Variants in ULK4 observed in about 807,000 individuals in gnomAD.
ULK4 encodes inactive serine/threonine-protein kinase ULK4.
Under a neutral mutation model 160.6 loss-of-function variants are expected in ULK4, and 133 were observed. The observed-to-expected ratio is 0.83, with a 90% CI of 0.72 to 0.96. ULK4 has a LOEUF of 0.96. ULK4 is among the 40% of genes least tolerant of loss of function. The pLI, the probability that ULK4 is intolerant of heterozygous loss-of-function variation, is 0.00. For missense variants in ULK4, 1,580 were observed against 1,499.5 expected (o/e 1.05, Z -0.89); for synonymous variants, 534 against 539.8 (o/e 0.99, Z 0.15).
intron 5 of ULK4, among the ~76,000 whole-genome samples, chr3:41,924,118 C>A (rs1203061243): frequency 6.6e-6 from 1 of 152,074 alleles, no homozygotes; most frequent in East Asian, 1.9e-4. Flanking sequence ...AAATTTTTGC[C>A]CTAAAATCAG....
intron 30 of ULK4, among the ~76,000 whole-genome samples, chr3:41,632,158 C>T (rs1315417041): frequency 6.6e-6 from 1 of 152,014 alleles, no homozygotes; most frequent in African/African-American, 2.4e-5. Flanking sequence ...ATCCTTGCAC[C>T]AGAGCTGGAA....
chr3:41,641,523 C>T (rs983995670), intron 30 of ULK4, among the ~76,000 whole-genome samples: 1 of 151,818 alleles, frequency 6.6e-6, no homozygotes, highest in Non-Finnish European at 1.5e-5. Context: ...ACAGGGAGAC[C>T]CCATCACTAC....
At chr3:41,404,226 A>C (rs1238607836) in intron 34 of ULK4, among the ~76,000 whole-genome samples, 2 of 131,860 alleles carry the variant, frequency 1.5e-5, no homozygotes, top group Non-Finnish European at 3.2e-5. Flanking sequence ...TAGCTCTATC[A>C]TTTTTTTTTT....
At chr3:41,901,716 G>A (rs1698372415) in intron 12 of ULK4, among the ~76,000 whole-genome samples, 1 of 148,186 alleles carries the variant, frequency 6.7e-6, no homozygotes, top group Non-Finnish European at 1.5e-5. Context: ...CTGGTCTCAG[G>A]TGATCCACCC....
At chr3:41,842,450 G>A (rs1258638494) in intron 17 of ULK4, among the ~76,000 whole-genome samples, 1 of 152,228 alleles carries the variant, frequency 6.6e-6, no homozygotes, top group Non-Finnish European at 1.5e-5. Flanking sequence ...CTGATCCCCA[G>A]TGTTGGACGT....
intron 34 of ULK4, among the ~76,000 whole-genome samples, chr3:41,441,031 T>C (rs2083155327): frequency 6.6e-6 from 1 of 152,066 alleles, no homozygotes; most frequent in Non-Finnish European, 1.5e-5. Context: ...GTAGTGTCTT[T>C]TTTCCCTGAT....
At chr3:41,559,490 C>T (rs1400064937) in intron 32 of ULK4, among the ~76,000 whole-genome samples, 2 of 144,540 alleles carry the variant, frequency 1.4e-5, no homozygotes, top group African/African-American at 4.9e-5. Flanking sequence ...ACAGTCCCAC[C>T]AACAGTGTAA....
At chr3:41,766,580 T>G (rs945239099) in intron 21 of ULK4, 1 of 152,154 alleles carries the variant, frequency 6.6e-6, no homozygotes, top group African/African-American at 2.4e-5. Flanking sequence ...TAAGTAAAAA[T>G]GTGAGTTTAT....
chr3:41,438,153 A>G (rs1482286891), intron 34 of ULK4, among the ~76,000 whole-genome samples: 1 of 151,676 alleles, frequency 6.6e-6, no homozygotes, highest in Non-Finnish European at 1.5e-5. Context: ...GACAGCAAAG[A>G]AAGGCATTTT....
intron 17 of ULK4, among the ~76,000 whole-genome samples, chr3:41,879,005 G>A (rs1697413579): frequency 6.6e-6 from 1 of 152,120 alleles, no homozygotes; most frequent in African/African-American, 2.4e-5. Context: ...AACACCAAAA[G>A]GGTGCAGTAA....
intron 22 of ULK4, among the ~76,000 whole-genome samples, chr3:41,746,949 C>A (rs1414050755): frequency 1.3e-5 from 2 of 151,898 alleles, no homozygotes; most frequent in African/African-American, 4.9e-5. Context: ...TATCCACAGG[C>A]AAAAACCAAA....
At chr3:41,681,440 C>G (rs1337923467) in intron 29 of ULK4, 68 bp downstream of exon 29, 1 of 1,593,668 alleles carries the variant, frequency 6.3e-7, no homozygotes, top group East Asian at 2.2e-5. Flanking sequence ...CATCACTGAA[C>G]CTAGTTTGAC....
At position 41,715,466 on chromosome 3, in the gene ULK4, A is replaced by C. The variant is rs1478632677; in HGVS notation, c.2558T>G (p.Leu853Arg). Residue 853 changes from leucine to arginine, a missense_variant, in exon 24 of 37, where the codon CTT becomes CGT. Coordinates refer to ENST00000301831, the MANE Select transcript of ULK4 (RefSeq NM_017886.4). ...TAGTACCTGTGAAGTTACGAGGTGA[A>C]GCACTACAGGCATCAGGGGGAGACA... Reference protein sequence around the residue: ...KLCLPLMPVVLHLVTSQVFRP... With the variant: ...KLCLPLMPVVRHLVTSQVFRP... The C allele has an allele frequency of 5.0e-6, 8 of 1,614,060 alleles. No individual in the cohort carries two copies. The highest frequency in any genetic ancestry group is 5.9e-6 in the Non-Finnish European group (7 of 1,180,016).
chr3:41,733,406 A>G (rs1383496884), intron 22 of ULK4, among the ~76,000 whole-genome samples: 2 of 152,142 alleles, frequency 1.3e-5, no homozygotes, highest in Non-Finnish European at 2.9e-5. Context: ...AACTCAAGGA[A>G]CTGATGTTCA....
At chr3:41,830,609 A>T (rs1055915955) in intron 18 of ULK4, among the ~76,000 whole-genome samples, 1 of 152,114 alleles carries the variant, frequency 6.6e-6, no homozygotes, top group South Asian at 2.1e-4. Flanking sequence ...AGCAGGGGGC[A>T]GGGATGAAAA....
At chr3:41,448,692 G>A (rs1307351088) in intron 34 of ULK4, among the ~76,000 whole-genome samples, 1 of 152,124 alleles carries the variant, frequency 6.6e-6, no homozygotes, top group Non-Finnish European at 1.5e-5. Context: ...TCATGGCAAC[G>A]AGGAGAAAAT....
chr3:41,755,528 A>G (rs1312184983), intron 21 of ULK4, among the ~76,000 whole-genome samples: 1 of 152,152 alleles, frequency 6.6e-6, no homozygotes, highest in Non-Finnish European at 1.5e-5. Context: ...CCTTTCCAGC[A>G]ACTAGACAGT....
intron 5 of ULK4, among the ~76,000 whole-genome samples, chr3:41,926,219 T>G (rs560149918): frequency 6.6e-6 from 1 of 152,172 alleles, no homozygotes; most frequent in South Asian, 2.1e-4. Flanking sequence ...GGGTCTGGAG[T>G]GCACCTCCAG....
chr3:41,775,982 A>G (rs958989834), intron 21 of ULK4, among the ~76,000 whole-genome samples: 1 of 150,652 alleles, frequency 6.6e-6, no homozygotes, highest in African/African-American at 2.5e-5. Context: ...GTGATAAATA[A>G]TTTTTCCAAA....
Sources: gnomAD v4.1 joint callset for allele counts (sites outside exome capture counted in the v4.1 genomes callset) on GRCh38, gnomAD v4.1.1 for gene constraint, MANE v1.5 for transcripts, NCBI Gene and HGNC (gene_info 2026-07-23, HGNC 2026-07-21) for gene names.